ZHX2: variants seen among roughly 807,000 people sequenced by gnomAD.
The protein encoded by ZHX2 is zinc fingers and homeoboxes protein 2.
Under a neutral mutation model 21.9 loss-of-function variants are expected in ZHX2, and 6 were observed. The ratio of observed to expected loss-of-function variants is 0.27; its 90% CI spans 0.15 to 0.54. The LOEUF is 0.54. Among genes scored for constraint, ZHX2 ranks in the 20% least tolerant of loss-of-function variants. The pLI is 0.95. For synonymous variants in ZHX2, 434 were observed against 437.1 expected (o/e 0.99, Z 0.09); for missense variants, 908 against 1,090.7 (o/e 0.83, Z 2.36).
intron 2 of ZHX2, among the ~76,000 whole-genome samples, chr8:122,933,743 G>A (rs768133100): frequency 6.6e-6 from 1 of 152,188 alleles, no homozygotes; most frequent in African/African-American, 2.4e-5. Flanking sequence ...TGAAACTTAG[G>A]TAGATACACA....
chr8:122,865,318 T>C (rs1586340058), intron 2 of ZHX2, among the ~76,000 whole-genome samples: 1 of 151,860 alleles, frequency 6.6e-6, no homozygotes, highest in South Asian at 2.1e-4. Flanking sequence ...TTAGTAGAGA[T>C]GGGGTTTCAC....
At chr8:122,947,047 G>C (rs1177645785) in intron 2 of ZHX2, among the ~76,000 whole-genome samples, 1 of 142,696 alleles carries the variant, frequency 7.0e-6, no homozygotes, top group Non-Finnish European at 1.5e-5. Flanking sequence ...CTTGAGCCCA[G>C]GAGTTCGAGA....
At chr8:122,904,952 C>T (rs1199689428) in intron 2 of ZHX2, among the ~76,000 whole-genome samples, 1 of 152,132 alleles carries the variant, frequency 6.6e-6, no homozygotes, top group Non-Finnish European at 1.5e-5. Context: ...AAATAAACGA[C>T]ATAACCATAT....
chr8:122,850,517 G>A (rs1240985929), intron 1 of ZHX2, among the ~76,000 whole-genome samples: 1 of 151,982 alleles, frequency 6.6e-6, no homozygotes, highest in East Asian at 1.9e-4. Context: ...GTGCACACCT[G>A]TAATCCCAGC....
intron 1 of ZHX2, among the ~76,000 whole-genome samples, chr8:122,849,612 C>G (rs929550890): frequency 5.9e-5 from 9 of 152,286 alleles, no homozygotes; most frequent in African/African-American, 2.2e-4. Context: ...TTCTCCTGTT[C>G]TGTGGTTTCT....
In ZHX2 at chr8:122,966,952, T is replaced by G. The variant is rs1176907133; in HGVS notation, c.*5-6290T>G. ...TTGTTTGATCCTGTTGTTAAAACTT[T>G]CCAGTGTATTTTGCATTTCTCTAAA... On this transcript the variant is annotated intron_variant, in intron 3 of 3. Transcript: ENST00000314393. Among the ~76,000 whole-genome samples the G allele has an allele frequency of 2.0e-5, 3 of 152,348 alleles. No individual in the cohort carries two copies. In the East Asian group the frequency reaches 5.8e-4, roughly 29 times the overall value.
At chr8:122,915,109 C>A (rs956702291) in intron 2 of ZHX2, among the ~76,000 whole-genome samples, 2 of 152,150 alleles carry the variant, frequency 1.3e-5, no homozygotes, top group Non-Finnish European at 2.9e-5. Context: ...GCTGAGGGAC[C>A]TGAGAGATCA....
At chr8:122,834,465 G>T (rs1399096494) in intron 1 of ZHX2, among the ~76,000 whole-genome samples, 2 of 152,270 alleles carry the variant, frequency 1.3e-5, no homozygotes, top group Non-Finnish European at 2.9e-5. Flanking sequence ...CAGGCGCCAG[G>T]TGGAGGTGGA....
At chr8:122,830,122 C>G (rs1256649877) in intron 1 of ZHX2, among the ~76,000 whole-genome samples, 1 of 152,148 alleles carries the variant, frequency 6.6e-6, no homozygotes, top group African/African-American at 2.4e-5. Context: ...TGTGGAGCAA[C>G]TTGCTGTTTT....
chr8:122,823,200 T>C (rs1818192594), intron 1 of ZHX2, among the ~76,000 whole-genome samples: 1 of 152,218 alleles, frequency 6.6e-6, no homozygotes, highest in Non-Finnish European at 1.5e-5. Flanking sequence ...TCCCTGGAAT[T>C]GGGGACCTTG....
intron 1 of ZHX2, among the ~76,000 whole-genome samples, chr8:122,835,979 T>G (rs879835257): frequency 1.3e-5 from 2 of 152,114 alleles, no homozygotes; most frequent in Non-Finnish European, 2.9e-5. Context: ...GGGTTTTTTT[T>G]TATGAGGCAG....
At chr8:122,964,908 GT>G (rs2130356416) in intron 3 of ZHX2, among the ~76,000 whole-genome samples, 2 of 151,720 alleles carry the variant, frequency 1.3e-5, no homozygotes, top group Admixed American at 1.3e-4. Flanking sequence ...TCTCCTCTAG[GT>G]TTTCTAGTTT....
intron 3 of ZHX2, among the ~76,000 whole-genome samples, chr8:122,963,063 C>T (rs548692435): frequency 1.3e-5 from 2 of 152,300 alleles, no homozygotes; most frequent in African/African-American, 4.8e-5. Flanking sequence ...TTCTCCCACT[C>T]TGTGGGTTGT....
At chr8:122,887,305 G>C (rs1819866527) in intron 2 of ZHX2, among the ~76,000 whole-genome samples, 1 of 151,954 alleles carries the variant, frequency 6.6e-6, no homozygotes, top group Non-Finnish European at 1.5e-5. Flanking sequence ...CTTGAGGTCA[G>C]GAGTTCAAGA....
chr8:122,831,434 A>G (rs1586593150), intron 1 of ZHX2, among the ~76,000 whole-genome samples: 1 of 152,306 alleles, frequency 6.6e-6, no homozygotes, highest in Non-Finnish European at 1.5e-5. Flanking sequence ...AGACTTGTGG[A>G]GGCTTTGGAG....
At chr8:122,830,743 TA>T (rs2130672022) in intron 1 of ZHX2, among the ~76,000 whole-genome samples, 1 of 151,882 alleles carries the variant, frequency 6.6e-6, no homozygotes, top group African/African-American at 2.4e-5. Flanking sequence ...GGAGGGGAGG[TA>T]ATTACTGCGT....
chr8:122,892,663 T>C (rs1820009971), intron 2 of ZHX2, among the ~76,000 whole-genome samples: 1 of 152,178 alleles, frequency 6.6e-6, no homozygotes. Context: ...AGGACTCCAT[T>C]AAGCATGTCT....
At chr8:122,786,495 TAGCTGCTGTATGAGTTGTTAGGAAACTTA>T (rs1465682007) in intron 1 of ZHX2, among the ~76,000 whole-genome samples, 1 of 152,220 alleles carries the variant, frequency 6.6e-6, no homozygotes, top group African/African-American at 2.4e-5. Context: ...ATCACTTTAG[TAGCTGCTGTATGAGTTGTTAGGAAACTTA>T]AGAAAGTTGT....
intron 1 of ZHX2, among the ~76,000 whole-genome samples, chr8:122,846,493 C>G (rs533986285): frequency 1.3e-5 from 2 of 150,492 alleles, no homozygotes; most frequent in South Asian, 4.2e-4. Context: ...GGGTCTGATA[C>G]AAGAAACAAA....
Sources: gnomAD v4.1 joint callset for allele counts (sites outside exome capture counted in the v4.1 genomes callset) on GRCh38, gnomAD v4.1.1 for gene constraint, MANE v1.5 for transcripts, NCBI Gene and HGNC (gene_info 2026-07-23, HGNC 2026-07-21) for gene names.